Variants in GFOD1 observed in about 807,000 individuals in gnomAD.
GFOD1 encodes Gfo/Idh/MocA-like oxidoreductase domain containing 1.
In GFOD1, 9 loss-of-function variants were observed where a neutral mutation model predicts 25.4. The ratio of observed to expected loss-of-function variants is 0.35; its 90% CI spans 0.21 to 0.62. The LOEUF is 0.62. GFOD1 is among the 20% of genes least tolerant of loss of function. The pLI, the probability that GFOD1 is intolerant of heterozygous loss-of-function variation, is 0.72. For missense variants in GFOD1, 403 were observed against 556.9 expected, an observed-to-expected ratio of 0.72 and a Z score of 2.78; for synonymous variants, 253 against 245.6, an observed-to-expected ratio of 1.03 and a Z score of -0.28.
chr6:13,481,558 TACACACACACACACACACACACAC>T (rs55888360), intron 1 of GFOD1, among the ~76,000 whole-genome samples: 1 of 150,678 alleles, frequency 6.6e-6, no homozygotes, highest in Non-Finnish European at 1.5e-5. Context: ...AGTGATACCT[TACACACACACACACACACACACAC>T]ACACACACAC....
At chr6:13,403,341 G>T (rs1050021729) in intron 1 of GFOD1, among the ~76,000 whole-genome samples, 1 of 152,118 alleles carries the variant, frequency 6.6e-6, no homozygotes, top group Non-Finnish European at 1.5e-5. Context: ...GGCCAGGCTG[G>T]TCTCAAACTC....
Position 13,447,393 on chromosome 6 carries a change from G to A in GFOD1, c.253+39245C>T, listed in dbSNP as rs78049584. Among the ~76,000 whole-genome samples the A allele has an allele frequency of 7.7e-3, 1,167 of 152,210 alleles. 14 individuals carry two copies. Among genetic ancestry groups the A allele is most frequent in the African/African-American group, 0.027 (1,102 of 41,502 alleles). ...AGAACATCCGACATGGTGTATCAGGGCCCATCCTAGTGAACTCATTTTACC... is the reference window on the plus strand; with the variant it reads ...AGAACATCCGACATGGTGTATCAGGACCCATCCTAGTGAACTCATTTTACC... On this transcript the variant is annotated intron_variant, in intron 1 of 1. Coordinates refer to ENST00000379287, the MANE Select transcript of GFOD1 (RefSeq NM_018988.4).
chr6:13,441,374 A>G (rs754207433), intron 1 of GFOD1, among the ~76,000 whole-genome samples: 1 of 152,234 alleles, frequency 6.6e-6, no homozygotes, highest in Non-Finnish European at 1.5e-5. Flanking sequence ...CAAGTGATAA[A>G]TCTCTTTCAA....
rs536811899 is a variant in GFOD1, at chr6:13,486,970, T to G, written c.-80A>C. Reference sequence around the variant, plus strand: ...GCACACACCCACCTCTAGCCAGTCCTGCACCCCGCTCCTGTAGCCAATCTA... The same window carrying G: ...GCACACACCCACCTCTAGCCAGTCCGGCACCCCGCTCCTGTAGCCAATCTA... On this transcript the variant is annotated 5_prime_UTR_variant, in exon 1 of 2. Coordinates refer to ENST00000379287, the MANE Select transcript of GFOD1 (RefSeq NM_018988.4). The G allele has an allele frequency of 3.6e-4, 532 of 1,498,380 alleles. No individual in the cohort carries two copies. The highest frequency in any genetic ancestry group is 9.6e-4 in the Middle Eastern group (4 of 4,184). 92.8% of individuals were successfully genotyped at this position (1,498,380 alleles called of 1,614,324 possible). A position where few individuals can be genotyped will look rare whatever the true frequency, so the allele number is the denominator to read the frequency against.
At chr6:13,447,354 C>T (rs2127573113) in intron 1 of GFOD1, among the ~76,000 whole-genome samples, 1 of 152,250 alleles carries the variant, frequency 6.6e-6, no homozygotes, top group Non-Finnish European at 1.5e-5. Context: ...TGTCCAAATT[C>T]CCCCCTTTTT....
intron 1 of GFOD1, among the ~76,000 whole-genome samples, chr6:13,471,683 G>T (rs1758508523): frequency 2.6e-5 from 4 of 152,192 alleles, no homozygotes; most frequent in Admixed American, 6.6e-5. Context: ...CACATTCCCA[G>T]GAGAAAATGA....
In GFOD1 at chr6:13,359,985, T is replaced by C. The variant is rs1418800794; in HGVS notation, c.*4758A>G. The C allele has an allele frequency of 1.3e-5, 2 of 151,292 alleles. No homozygotes were observed. The highest frequency in any genetic ancestry group is 1.3e-4 in the Admixed American group (2 of 15,192). 9.4% of individuals were successfully genotyped at this position (151,292 alleles called of 1,614,324 possible). A position where few individuals can be genotyped will look rare whatever the true frequency, so the allele number is the denominator to read the frequency against. ...AAGGATTTCCAGATTTCCCTGCAAC[T>C]GCTCAGCGAATTGAGGTCCAATGCA... is the stretch of plus-strand genomic sequence containing the variant. On this transcript the variant is annotated 3_prime_UTR_variant, in exon 2 of 2. Coordinates refer to ENST00000379287, the MANE Select transcript of GFOD1 (RefSeq NM_018988.4).
intron 1 of GFOD1, among the ~76,000 whole-genome samples, chr6:13,444,417 G>GCTTA (rs1562221082): frequency 6.6e-6 from 1 of 151,154 alleles, no homozygotes; most frequent in African/African-American, 2.4e-5. Context: ...TGGGTACTAA[G>GCTTA]CTTAGTATCT....
chr6:13,432,372 G>A (rs1223292495), intron 1 of GFOD1, among the ~76,000 whole-genome samples: 2 of 151,622 alleles, frequency 1.3e-5, no homozygotes, highest in Admixed American at 1.3e-4. Context: ...CACCACCATG[G>A]ATAGTTTTTA....
At chr6:13,453,701 G>T (rs1758139985) in intron 1 of GFOD1, among the ~76,000 whole-genome samples, 1 of 152,192 alleles carries the variant, frequency 6.6e-6, no homozygotes, top group Non-Finnish European at 1.5e-5. Flanking sequence ...ATTCTTTAAA[G>T]AACTTTATGT....
intron 1 of GFOD1, among the ~76,000 whole-genome samples, chr6:13,378,214 A>G (rs1036183276): frequency 9.9e-5 from 15 of 152,166 alleles, no homozygotes; most frequent in African/African-American, 3.4e-4. Context: ...CAGGGTGCAA[A>G]TTCAGTTCTG....
At chr6:13,469,298 A>G in intron 1 of GFOD1, 1 of 985,282 alleles carries the variant, frequency 1.0e-6, no homozygotes, top group Non-Finnish European at 1.2e-6. Flanking sequence ...AGAGTTTGCC[A>G]TTTATTTTAG....
At chr6:13,419,947 T>C (rs528338860) in intron 1 of GFOD1, among the ~76,000 whole-genome samples, 1 of 152,320 alleles carries the variant, frequency 6.6e-6, no homozygotes, top group Non-Finnish European at 1.5e-5. Flanking sequence ...CGGCCGGGCT[T>C]TGGGGCAATG....
At chr6:13,459,133 G>A (rs1340366710) in intron 1 of GFOD1, among the ~76,000 whole-genome samples, 7 of 152,146 alleles carry the variant, frequency 4.6e-5, no homozygotes, top group Non-Finnish European at 1.0e-4. Context: ...AAAAGAGCTT[G>A]CAGTGGTACT....
At chr6:13,464,620 T>A (rs972094594) in intron 1 of GFOD1, among the ~76,000 whole-genome samples, 3 of 152,236 alleles carry the variant, frequency 2.0e-5, no homozygotes, top group African/African-American at 4.8e-5. Context: ...AAGTATTTTT[T>A]AAATGAGATT....
intron 1 of GFOD1, among the ~76,000 whole-genome samples, chr6:13,395,800 C>T (rs1390924129): frequency 1.3e-5 from 2 of 152,172 alleles, no homozygotes; most frequent in Non-Finnish European, 2.9e-5. Flanking sequence ...CACCGTGCAC[C>T]AGTTAGTTCC....
rs570884669 is a variant in GFOD1 at position 13,446,226 on chromosome 6, T to C, written c.253+40412A>G. Among the ~76,000 whole-genome samples, 10 of 152,286 alleles carry C rather than the reference T, an allele frequency of 6.6e-5. No homozygotes were observed. In the Middle Eastern group the frequency reaches 0.017, roughly 259 times the overall value. ...GGGACAGGCTTTTGAAATAGCCACA[T>C]CATTAAATGGAATTTGTTTCAAATC... On this transcript the variant is annotated intron_variant, in intron 1 of 1. Transcript: ENST00000379287.
At chr6:13,456,288 T>C (rs1758186793) in intron 1 of GFOD1, among the ~76,000 whole-genome samples, 2 of 152,100 alleles carry the variant, frequency 1.3e-5, no homozygotes, top group South Asian at 4.1e-4. Flanking sequence ...GATCTTCCCA[T>C]CTCAGCCTCC....
chr6:13,393,044 A>T (rs1785645341), intron 1 of GFOD1, among the ~76,000 whole-genome samples: 1 of 152,144 alleles, frequency 6.6e-6, no homozygotes. Flanking sequence ...CCTGGGCAAC[A>T]GAGTGAGACC....
Sources: gnomAD v4.1 joint callset for allele counts (sites outside exome capture counted in the v4.1 genomes callset) on GRCh38, gnomAD v4.1.1 for gene constraint, MANE v1.5 for transcripts, NCBI Gene and HGNC (gene_info 2026-07-23, HGNC 2026-07-21) for gene names.